The following JHY variants were observed in gnomAD, a reference collection of about 807,000 sequenced individuals.
JHY encodes jhy protein homolog.
A neutral mutation model predicts 78.0 loss-of-function variants in JHY; 69 were observed. The ratio of observed to expected loss-of-function variants is 0.88; its 90% CI spans 0.73 to 1.08. The LOEUF is 1.08. JHY is among the 50% of genes least tolerant of loss of function. JHY has a pLI of 0.00. For synonymous variants in JHY, 368 were observed against 342.6 expected (o/e 1.07, Z -0.82); for missense variants, 944 against 927.8 (o/e 1.02, Z -0.23).
At chr11:122,902,908 A>G (rs1039928271) in intron 2 of JHY, among the ~76,000 whole-genome samples, 2 of 152,200 alleles carry the variant, frequency 1.3e-5, no homozygotes, top group African/African-American at 4.8e-5. Flanking sequence ...GATCCAAACC[A>G]TATCATACAG....
intron 1 of JHY, among the ~76,000 whole-genome samples, chr11:122,884,419 G>A (rs913318019): frequency 1.3e-5 from 2 of 151,756 alleles, no homozygotes; most frequent in African/African-American, 4.8e-5. Flanking sequence ...TAATGGTAAA[G>A]GTTTCTGTTA....
rs1478269125 is a variant in JHY at position 122,963,568 on chromosome 11, CAG to C, written c.*4124_*4125del. ...ACTAAGGGGAGAGATTTTGCAAAAACAGGGAGTGACAGACACGTTTTTTGCTC... is the reference window on the plus strand; with the variant it reads ...ACTAAGGGGAGAGATTTTGCAAAAACGGAGTGACAGACACGTTTTTTGCTC... On this transcript the variant is annotated 3_prime_UTR_variant, in exon 9 of 9. Coordinates refer to ENST00000227349, the MANE Select transcript of JHY (RefSeq NM_024806.4). 6.6e-5 allele frequency among the ~76,000 whole-genome samples: 10 copies of C among 152,110 alleles called. No individual in the cohort carries two copies. Among genetic ancestry groups the C allele is most frequent in the Admixed American group, 3.9e-4 (6 of 15,272 alleles).
chr11:122,948,614 A>C (rs79004015), intron 6 of JHY, among the ~76,000 whole-genome samples: 2,754 of 151,874 alleles, frequency 0.018, 77 homozygotes, highest in South Asian at 0.11. Context: ...ATAATGTTGC[A>C]AGCAAAAAAC....
chr11:122,957,517 A>G, intron 8 of JHY, 26 bp downstream of exon 8: 1 of 1,473,934 alleles, frequency 6.8e-7, no homozygotes, highest in Non-Finnish European at 9.0e-7. Flanking sequence ...CAAGGCATTT[A>G]TTTTTTCAAG....
At chr11:122,941,338 A>C (rs1358175509) in intron 5 of JHY, among the ~76,000 whole-genome samples, 1 of 152,226 alleles carries the variant, frequency 6.6e-6, no homozygotes, top group Non-Finnish European at 1.5e-5. Flanking sequence ...CCTCAAATCC[A>C]ACAGCTCTGG....
chr11:122,944,122 G>A (rs531053648), intron 5 of JHY, among the ~76,000 whole-genome samples: 4 of 152,224 alleles, frequency 2.6e-5, no homozygotes, highest in East Asian at 1.9e-4. Flanking sequence ...ACTTGAGCCC[G>A]TAAGTCAGAG....
At chr11:122,958,280 A>G (rs1374848878) in intron 8 of JHY, among the ~76,000 whole-genome samples, 1 of 152,216 alleles carries the variant, frequency 6.6e-6, no homozygotes. Flanking sequence ...TGCATGAGGA[A>G]CAAGAGATCC....
rs1864296161 is a variant in JHY at position 122,960,766 on chromosome 11, A to C, written c.*1321A>C. The C allele has an allele frequency of 2.1e-6, 1 of 487,314 alleles. No individual in the cohort carries two copies. Among genetic ancestry groups the C allele is most frequent in the Admixed American group, 2.7e-5 (1 of 36,590 alleles). 30.2% of individuals were successfully genotyped at this position (487,314 alleles called of 1,614,324 possible). A position where few individuals can be genotyped will look rare whatever the true frequency, so the allele number is the denominator to read the frequency against. On this transcript the variant is annotated 3_prime_UTR_variant, in exon 9 of 9. Transcript: ENST00000227349. ...GAGGTGAAGCAGGCTTCCATCAAAC[A>C]AATCCAGGATGCAATTGATTTGGAG...
chr11:122,959,597 G>A lies in JHY; in HGVS notation c.*152G>A, dbSNP rs1864268844. 2 of 712,022 alleles carry A rather than the reference G, an allele frequency of 2.8e-6. No homozygotes were observed. The highest frequency in any genetic ancestry group is 4.5e-6 in the Non-Finnish European group (2 of 445,404). 44.1% of individuals were successfully genotyped at this position (712,022 alleles called of 1,614,324 possible). Reference sequence around the variant, plus strand: ...CTTTCTGCAGGATTTAAAATATGAGGCCCAATTGGATTATGGTGCCATATT... The same window carrying A: ...CTTTCTGCAGGATTTAAAATATGAGACCCAATTGGATTATGGTGCCATATT... On this transcript the variant is annotated 3_prime_UTR_variant, in exon 9 of 9. Coordinates refer to ENST00000227349, the MANE Select transcript of JHY (RefSeq NM_024806.4).
At chr11:122,939,221 C>G (rs866888433) in intron 5 of JHY, among the ~76,000 whole-genome samples, 1 of 152,052 alleles carries the variant, frequency 6.6e-6, no homozygotes. Context: ...CTCCTGACCC[C>G]GTGATCCACC....
intron 3 of JHY, 104 bp from the exon 4 acceptor site, chr11:122,924,793 C>A: frequency 2.5e-6 from 2 of 789,794 alleles, no homozygotes; most frequent in East Asian, 2.6e-5. Flanking sequence ...GAAAATAAAA[C>A]CTAGCCCAGC....
At chr11:122,896,333 ACT>A (rs1377220202) in intron 2 of JHY, among the ~76,000 whole-genome samples, 1 of 103,108 alleles carries the variant, frequency 9.7e-6, no homozygotes, top group Non-Finnish European at 1.8e-5. Context: ...ACAGAGGAAG[ACT>A]CTGTCTCAAA....
At chr11:122,937,424 G>A (rs1345150756) in intron 5 of JHY, among the ~76,000 whole-genome samples, 1 of 151,930 alleles carries the variant, frequency 6.6e-6, no homozygotes, top group East Asian at 2.0e-4. Flanking sequence ...GCCAGACTTT[G>A]TAGACACCTT....
At chr11:122,886,900 G>C (rs1270740039) in intron 2 of JHY, among the ~76,000 whole-genome samples, 4 of 152,208 alleles carry the variant, frequency 2.6e-5, no homozygotes, top group Non-Finnish European at 5.9e-5. Context: ...CTACCTCTCA[G>C]GGCTTGTATG....
In JHY at chr11:122,922,092, A is replaced by G. The variant is rs1863379405; in HGVS notation, c.865-2805A>G. 2.0e-5 allele frequency among the ~76,000 whole-genome samples: 3 copies of G among 152,254 alleles called. No individual in the cohort carries two copies. The South Asian group carries it at 6.2e-4, about 31-fold the overall frequency. ...AGTTTTCCATTTGCCATGTAGGTTAATCATTCAAAACCTGGTGATTACTTC... is the reference window on the plus strand; with the variant it reads ...AGTTTTCCATTTGCCATGTAGGTTAGTCATTCAAAACCTGGTGATTACTTC... On this transcript the variant is annotated intron_variant, in intron 3 of 8. Coordinates refer to ENST00000227349, the MANE Select transcript of JHY (RefSeq NM_024806.4).
chr11:122,959,164 TATAA>T, intron 8 of JHY, 80 bp from the exon 9 acceptor site: 2 of 1,463,476 alleles, frequency 1.4e-6, no homozygotes, highest in Non-Finnish European at 1.8e-6. Flanking sequence ...CCATTTATAT[TATAA>T]ATAAACATTT....
chr11:122,912,233 G>A (rs1048650410), intron 3 of JHY, among the ~76,000 whole-genome samples: 12 of 150,372 alleles, frequency 8.0e-5, no homozygotes, highest in Admixed American at 4.7e-4. Flanking sequence ...GTTGCAGTGA[G>A]CCGAGATCTC....
intron 3 of JHY, among the ~76,000 whole-genome samples, chr11:122,919,985 C>A (rs1052165829): frequency 6.6e-6 from 1 of 152,106 alleles, no homozygotes; most frequent in Non-Finnish European, 1.5e-5. Flanking sequence ...ATAATACAAA[C>A]CTTTGGATAA....
chr11:122,888,079 G>A (rs914085415), intron 2 of JHY, among the ~76,000 whole-genome samples: 2 of 151,926 alleles, frequency 1.3e-5, no homozygotes, highest in South Asian at 2.1e-4. Flanking sequence ...GGGCTATCTA[G>A]TTGAATCAAT....
Sources: allele counts gnomAD v4.1 joint callset (sites outside exome capture counted in the v4.1 genomes callset), GRCh38; gene constraint gnomAD v4.1.1; transcripts MANE v1.5; gene names NCBI Gene and HGNC (gene_info 2026-07-23, HGNC 2026-07-21).